CLYBL: variants seen among roughly 807,000 people sequenced by gnomAD.
CLYBL encodes citramalyl-CoA lyase.
A neutral mutation model predicts 38.9 loss-of-function variants in CLYBL; 31 were observed. The ratio of observed to expected loss-of-function variants is 0.80; its 90% CI spans 0.60 to 1.08. The LOEUF (loss-of-function observed/expected upper bound fraction) is 1.08. CLYBL is among the 50% of genes least tolerant of loss of function. CLYBL has a pLI of 0.00. For synonymous variants in CLYBL, 171 were observed against 158.6 expected (o/e 1.08, Z -0.59); for missense variants, 434 against 411.6 (o/e 1.05, Z -0.47).
intron 1 of CLYBL, among the ~76,000 whole-genome samples, chr13:99,708,873 T>C (rs1391693025): frequency 5.3e-5 from 8 of 152,012 alleles, no homozygotes; most frequent in African/African-American, 1.9e-4. Context: ...GGTGGGCGGA[T>C]GATGAGGGCA....
At chr13:99,843,739 T>C (rs1372946941) in intron 2 of CLYBL, among the ~76,000 whole-genome samples, 2 of 152,030 alleles carry the variant, frequency 1.3e-5, no homozygotes, top group East Asian at 3.9e-4. Flanking sequence ...GTAGCTGAGA[T>C]TACAGGCGTG....
At chr13:99,877,559 A>C in intron 7 of CLYBL, 1 of 342,586 alleles carries the variant, frequency 2.9e-6, no homozygotes, top group South Asian at 2.1e-5. Flanking sequence ...TTAATTAAAG[A>C]ATTTTGTAAT....
chr13:99,616,782 C>A (rs2139189660), intron 1 of CLYBL, among the ~76,000 whole-genome samples: 1 of 152,128 alleles, frequency 6.6e-6, no homozygotes, highest in Middle Eastern at 3.4e-3. Context: ...ATGGTGAAAC[C>A]CCGTCTCTAC....
chr13:99,862,482 T>TA (rs11399409), intron 3 of CLYBL, among the ~76,000 whole-genome samples: 102,791 of 151,996 alleles, frequency 0.68, 35,976 homozygotes, highest in African/African-American at 0.85. Flanking sequence ...CTAGGTAAGC[T>TA]AAAAAATTAT....
At chr13:99,666,617 A>G (rs1480241599) in intron 1 of CLYBL, among the ~76,000 whole-genome samples, 1 of 152,192 alleles carries the variant, frequency 6.6e-6, no homozygotes, top group Non-Finnish European at 1.5e-5. Flanking sequence ...AACCTTGGAT[A>G]CATTTGCAGA....
intron 8 of CLYBL, among the ~76,000 whole-genome samples, chr13:99,905,225 C>T (rs2052684084): frequency 6.6e-6 from 1 of 152,198 alleles, no homozygotes; most frequent in South Asian, 2.1e-4. Flanking sequence ...AGGCCAGGAC[C>T]TAGGATCACA....
At chr13:99,736,333 C>T (rs1235206216) in intron 1 of CLYBL, among the ~76,000 whole-genome samples, 1 of 151,558 alleles carries the variant, frequency 6.6e-6, no homozygotes, top group African/African-American at 2.4e-5. Context: ...CCACCGCACC[C>T]GGCCATCCTA....
intron 7 of CLYBL, among the ~76,000 whole-genome samples, chr13:99,886,779 C>T (rs1321492053): frequency 6.6e-6 from 1 of 152,210 alleles, no homozygotes; most frequent in Non-Finnish European, 1.5e-5. Context: ...TCCCTGTGCT[C>T]ACCACCCTGG....
intron 2 of CLYBL, among the ~76,000 whole-genome samples, chr13:99,842,454 C>T (rs945277037): frequency 3.9e-5 from 6 of 152,162 alleles, no homozygotes; most frequent in Admixed American, 2.0e-4. Flanking sequence ...GGCTGCCTCT[C>T]GTTGTCTGTG....
intron 1 of CLYBL, among the ~76,000 whole-genome samples, chr13:99,700,629 C>A (rs1566613893): frequency 6.6e-6 from 1 of 152,132 alleles, no homozygotes; most frequent in Non-Finnish European, 1.5e-5. Flanking sequence ...CTCTTCCCAG[C>A]AGCTGAGGGG....
intron 1 of CLYBL, among the ~76,000 whole-genome samples, chr13:99,693,148 C>T (rs1011197015): frequency 6.6e-6 from 1 of 152,054 alleles, no homozygotes; most frequent in African/African-American, 2.4e-5. Context: ...GGATGTATAG[C>T]GTTTTGTGCC....
chr13:99,615,996 G>A (rs1278843053), intron 1 of CLYBL, among the ~76,000 whole-genome samples: 2 of 152,086 alleles, frequency 1.3e-5, no homozygotes, highest in Non-Finnish European at 2.9e-5. Flanking sequence ...ACCACGCACA[G>A]CTAATTTTTT....
At chr13:99,812,854 G>A (rs1452933292) in intron 2 of CLYBL, among the ~76,000 whole-genome samples, 1 of 152,120 alleles carries the variant, frequency 6.6e-6, no homozygotes. Context: ...GTGGGGCCAA[G>A]GGGGGGCCCT....
In CLYBL at chr13:99,643,998, C is replaced by CT. The variant is rs542825773; in HGVS notation, c.62+37242dup. ...CCAGCCTGGGCGACAGAACAAGACT[C>CT]TGTCTCAAAAAAAAAAAAAAAAAAA... is the stretch of plus-strand genomic sequence containing the variant. On this transcript the variant is annotated intron_variant, in intron 1 of 8. Coordinates refer to ENST00000339105, the MANE Select transcript of CLYBL (RefSeq NM_206808.5). Among the ~76,000 whole-genome samples, 183 of 103,434 alleles carry CT rather than the reference C, an allele frequency of 1.8e-3. 2 individuals carry two copies. Among genetic ancestry groups the CT allele is most frequent in the African/African-American group, 8.0e-3 (176 of 21,914 alleles). The allele number at this position is 103,434 out of a possible 152,430, so 67.9% of individuals were successfully genotyped here.
chr13:99,875,223 C>T lies in CLYBL; in HGVS notation c.927+4161C>T, dbSNP rs773217873. On this transcript the variant is annotated intron_variant, in intron 7 of 8. Coordinates refer to ENST00000339105, the MANE Select transcript of CLYBL (RefSeq NM_206808.5). The stretch of plus-strand genomic sequence containing the variant: ...CCTGGCCTAACAACTGTAAGCATCA[C>T]GCAACCAACATTCTCATTTCACTCA... Among the ~76,000 whole-genome samples, 45 of 152,136 alleles carry T rather than the reference C, an allele frequency of 3.0e-4. 2 individuals are homozygous for T. Among genetic ancestry groups the T allele is most frequent in the Admixed American group, 2.2e-3 (34 of 15,278 alleles).
At chr13:99,755,143 C>T (rs375288320) in intron 1 of CLYBL, among the ~76,000 whole-genome samples, 38 of 152,108 alleles carry the variant, frequency 2.5e-4, no homozygotes, top group Admixed American at 2.6e-4. Flanking sequence ...GTGATCCGCC[C>T]GCCTCGGCCT....
chr13:99,776,722 C>T (rs1395430231), intron 2 of CLYBL, among the ~76,000 whole-genome samples: 18 of 151,878 alleles, frequency 1.2e-4, no homozygotes, highest in Admixed American at 8.5e-4. Flanking sequence ...ACAAGCATGC[C>T]GCTAAAAACT....
chr13:99,893,457 A>T (rs1262746979), downstream of CLYBL: 1 of 152,254 alleles, frequency 6.6e-6, no homozygotes, highest in East Asian at 1.9e-4. Context: ...GGCCTCTCTC[A>T]CTCTGCCCCT....
chr13:99,782,115 C>T (rs1252886651), intron 2 of CLYBL, among the ~76,000 whole-genome samples: 1 of 152,076 alleles, frequency 6.6e-6, no homozygotes. Flanking sequence ...CTCAGATCTT[C>T]CTGGGGTCAG....
Sources: allele counts gnomAD v4.1 joint callset (sites outside exome capture counted in the v4.1 genomes callset), GRCh38; gene constraint gnomAD v4.1.1; transcripts MANE v1.5; gene names NCBI Gene and HGNC (gene_info 2026-07-23, HGNC 2026-07-21).